The following CSNK1D variants were observed in gnomAD, a reference collection of about 807,000 sequenced individuals.
The protein encoded by CSNK1D is casein kinase I isoform delta.
Under a neutral mutation model 46.6 loss-of-function variants are expected in CSNK1D, and 16 were observed. That is an observed-to-expected ratio of 0.34 (90% CI 0.23 to 0.52). The LOEUF is 0.52. Among genes scored for constraint, CSNK1D ranks in the 20% least tolerant of loss-of-function variants. The probability of loss-of-function intolerance (pLI) is 0.95; values close to 1 mark genes in which losing one functional copy is unlikely to be tolerated. For synonymous variants in CSNK1D, 276 were observed against 228.2 expected (o/e 1.21, Z -1.89); for missense variants, 398 against 578.4 (o/e 0.69, Z 3.20).
At chr17:82,264,657 C>T (rs972828119) in intron 2 of CSNK1D, among the ~76,000 whole-genome samples, 5 of 152,104 alleles carry the variant, frequency 3.3e-5, no homozygotes, top group South Asian at 2.1e-4. Flanking sequence ...GCAAAGCATG[C>T]GAAGGAGCAG....
Position 82,249,778 on chromosome 17 carries a change from C to G in CSNK1D, c.886-176G>C. The G allele has an allele frequency of 6.8e-7, 1 of 1,464,866 alleles. No homozygotes were observed. The highest frequency in any genetic ancestry group is 2.5e-5 in the East Asian group (1 of 40,190). 90.7% of individuals were successfully genotyped at this position (1,464,866 alleles called of 1,614,324 possible). A position where few individuals can be genotyped will look rare whatever the true frequency, so the allele number is the denominator to read the frequency against. On this transcript the variant is annotated intron_variant, in intron 6 of 8. Coordinates refer to ENST00000314028, the MANE Select transcript of CSNK1D (RefSeq NM_001893.6). This position sits in a 1 kb window ranked among gnomAD's most constrained non-coding sequence, Gnocchi z 6.7. ...CCTCATGGGATGACAGCATCATCCCCACAAGGGGTCAGAGCCAGGCCTCTC... is the reference window on the plus strand; with the variant it reads ...CCTCATGGGATGACAGCATCATCCCGACAAGGGGTCAGAGCCAGGCCTCTC...
chr17:82,273,158 G>A lies in CSNK1D; in HGVS notation c.76+148C>T. On this transcript the variant is annotated intron_variant, in intron 1 of 8. Transcript: ENST00000314028. The surrounding 1 kb of genome is among the most constrained non-coding windows in gnomAD (Gnocchi z 5.1). Reference sequence around the variant, plus strand: ...CCACCCCTGGCCGCGCTAGCCTAGTGGCCGTTGGGTTCTGGCCACGATCCG... The same window carrying A: ...CCACCCCTGGCCGCGCTAGCCTAGTAGCCGTTGGGTTCTGGCCACGATCCG... The A allele has an allele frequency of 2.6e-6, 2 of 761,710 alleles. No individual in the cohort carries two copies. Among genetic ancestry groups the A allele is most frequent in the Non-Finnish European group, 4.1e-6 (2 of 482,002 alleles). 47.2% of individuals were successfully genotyped at this position (761,710 alleles called of 1,614,324 possible). A position where few individuals can be genotyped will look rare whatever the true frequency, so the allele number is the denominator to read the frequency against.
intron 1 of CSNK1D, among the ~76,000 whole-genome samples, chr17:82,271,135 G>A (rs2051612478): frequency 6.6e-6 from 1 of 152,206 alleles, no homozygotes; most frequent in Non-Finnish European, 1.5e-5. Flanking sequence ...CAGTGCAGTG[G>A]TGTGATCTTG....
At chr17:82,261,324 A>G (rs1055941748) in intron 2 of CSNK1D, among the ~76,000 whole-genome samples, 1 of 152,050 alleles carries the variant, frequency 6.6e-6, no homozygotes, top group Non-Finnish European at 1.5e-5. Flanking sequence ...AGGTGCTGTC[A>G]CGGTGGGAAG....
chr17:82,239,696 G>A (rs904365421), downstream of CSNK1D: 4 of 351,728 alleles, frequency 1.1e-5, no homozygotes, highest in African/African-American at 6.3e-5. Context: ...ATGTGCCAGG[G>A]AGCCCCTACG....
chr17:82,261,642 C>A (rs998265895), intron 2 of CSNK1D, among the ~76,000 whole-genome samples: 4 of 152,162 alleles, frequency 2.6e-5, no homozygotes, highest in African/African-American at 7.2e-5. Context: ...CAAAAACTTA[C>A]AAACAGGTGA....
At chr17:82,262,625 C>T (rs2051369014) in intron 2 of CSNK1D, among the ~76,000 whole-genome samples, 1 of 152,242 alleles carries the variant, frequency 6.6e-6, no homozygotes, top group Non-Finnish European at 1.5e-5. Context: ...CTGGACCACC[C>T]ACAGCAAACA....
Position 82,252,415 on chromosome 17 carries a change from G to A in CSNK1D, c.736+19C>T. ...CCCCTGTGAGCAGCTCCGCTGAGAA[G>A]AGGCCTCCAGAGACTTACAAGGGTA... On this transcript the variant is annotated intron_variant, in intron 5 of 8. Transcript: ENST00000314028. This position sits in a 1 kb window ranked among gnomAD's most constrained non-coding sequence, Gnocchi z 4.6. The A allele has an allele frequency of 1.2e-6, 2 of 1,613,974 alleles. No homozygotes were observed. The highest frequency in any genetic ancestry group is 1.7e-6 in the Non-Finnish European group (2 of 1,179,902).
chr17:82,243,861 A>G lies in CSNK1D; in HGVS notation c.*920T>C. ...GTTCACAGTCCTCTCCCAAGGGACC[A>G]GAAACGCATCTTCCACCTTGAATCC... is the stretch of plus-strand genomic sequence containing the variant. On this transcript the variant is annotated 3_prime_UTR_variant, in exon 9 of 9. Coordinates refer to ENST00000314028, the MANE Select transcript of CSNK1D (RefSeq NM_001893.6). 2.0e-6 allele frequency: 2 copies of G among 985,694 alleles called. No homozygotes were observed. Among genetic ancestry groups the G allele is most frequent in the Non-Finnish European group, 2.4e-6 (2 of 830,092 alleles). 61.1% of individuals were successfully genotyped at this position (985,694 alleles called of 1,614,324 possible). A position where few individuals can be genotyped will look rare whatever the true frequency, so the allele number is the denominator to read the frequency against.
At chr17:82,242,211 CT>C (rs1410230080), downstream of CSNK1D, among the ~76,000 whole-genome samples, 3 of 120,246 alleles carry the variant, frequency 2.5e-5, no homozygotes, top group East Asian at 2.2e-4. Context: ...GCTGTGTGCT[CT>C]GGGGGGGGGG....
chr17:82,254,139 A>C (rs1359939169), intron 3 of CSNK1D: 19 of 214,182 alleles, frequency 8.9e-5, no homozygotes, highest in East Asian at 2.5e-4. Context: ...AGCCTCGAGA[A>C]GCCAGTGAGC....
At chr17:82,246,001 G>A (rs1181448524) in intron 8 of CSNK1D, 5 of 1,609,840 alleles carry the variant, frequency 3.1e-6, no homozygotes, top group South Asian at 2.2e-5. Context: ...GATGGGAGAC[G>A]AGCAGCTACT....
At chr17:82,240,053 C>A, downstream of CSNK1D, 3 of 1,233,844 alleles carry the variant, frequency 2.4e-6, no homozygotes, top group Non-Finnish European at 3.0e-6. Context: ...GATGCCATGT[C>A]CCTGCTCCTC....
At chr17:82,240,911 G>A (rs1051291128), downstream of CSNK1D, among the ~76,000 whole-genome samples, 8 of 152,182 alleles carry the variant, frequency 5.3e-5, no homozygotes, top group Non-Finnish European at 7.4e-5. Context: ...CAGTGGGTCT[G>A]CTCTGACCCG....
chr17:82,265,778 C>A lies in CSNK1D; in HGVS notation c.95G>T (p.Gly32Val), dbSNP rs374554993. 2 of 1,613,986 alleles carry A rather than the reference C, an allele frequency of 1.2e-6. No homozygotes were observed. Among genetic ancestry groups the A allele is most frequent in the African/African-American group, 2.7e-5 (2 of 74,924 alleles). The change falls in exon 2 of 9, where the codon GGA (glycine) becomes GTA (valine). Residue 32 changes from glycine (G) to valine (V), a missense_variant. By Grantham distance (109) the Gly-to-Val change is moderately radical (BLOSUM62 -3). Coordinates refer to ENST00000314028, the MANE Select transcript of CSNK1D (RefSeq NM_001893.6). Reference protein sequence around the residue: ...DIYLGTDIAAGEEVAIKLECV... With the variant: ...DIYLGTDIAAVEEVAIKLECV... ...TTCAAGCTTGATGGCAACCTCTTCT[C>A]CTGCAGCAATGTCCGTACCTTGGCA... is the stretch of plus-strand genomic sequence containing the variant.
rs2051452589 is a variant in CSNK1D at position 82,265,783 on chromosome 17, A to G, written c.90T>C (p.Ala30=). The G allele has an allele frequency of 2.5e-6, 4 of 1,613,988 alleles. No individual in the cohort carries two copies. In the East Asian group the frequency reaches 8.9e-5, roughly 36 times the overall value. The stretch of plus-strand genomic sequence containing the variant: ...GCTTGATGGCAACCTCTTCTCCTGC[A>G]GCAATGTCCGTACCTTGGCAAAGAA... ...FGDIYLGTDI[A]AGEEVAIKLE... The change falls in exon 2 of 9, where the codon GCT becomes GCC. Residue 30 remains alanine (A), a synonymous_variant. Transcript: ENST00000314028.
At chr17:82,247,186 G>C (rs1195715445) in intron 8 of CSNK1D, 1 of 985,470 alleles carries the variant, frequency 1.0e-6, no homozygotes, top group East Asian at 1.1e-4. Context: ...CCTGCTGTTA[G>C]AGCCCACGTT....
At chr17:82,240,149 C>T (rs933271931), downstream of CSNK1D, 6 of 1,042,454 alleles carry the variant, frequency 5.8e-6, no homozygotes, top group African/African-American at 4.9e-5. Flanking sequence ...GGCTTGAGCT[C>T]TTGCAGCCCA....
At position 82,255,389 on chromosome 17, in the gene CSNK1D, G is replaced by C. The variant is rs1051850112; in HGVS notation, c.336+40C>G. 3.7e-6 allele frequency: 6 copies of C among 1,612,086 alleles called. No individual in the cohort carries two copies. The highest frequency in any genetic ancestry group is 1.7e-5 in the Admixed American group (1 of 60,028). On this transcript the variant is annotated intron_variant, in intron 3 of 8. Transcript: ENST00000314028. This position sits in a 1 kb window ranked among gnomAD's most constrained non-coding sequence, Gnocchi z 5.9. ...CACAAGCGAGTGGCTGATTCTATCA[G>C]ACAGCAAGTGTGTGCCAACTGTCAG...
Sources: gnomAD v4.1 joint callset for allele counts (sites outside exome capture counted in the v4.1 genomes callset) on GRCh38, gnomAD v4.1.1 for gene constraint, Gnocchi (gnomAD v3.1) non-coding constraint, MANE v1.5 for transcripts, NCBI Gene and HGNC (gene_info 2026-07-23, HGNC 2026-07-21) for gene names.